The following METTL15 variants were observed in gnomAD, a reference collection of about 807,000 sequenced individuals.
METTL15 encodes methyltransferase 15, mitochondrial 12S rRNA N4-cytidine.
Under a neutral mutation model 38.3 loss-of-function variants are expected in METTL15, and 34 were observed. The ratio of observed to expected loss-of-function variants is 0.89; its 90% CI spans 0.68 to 1.18. The LOEUF (loss-of-function observed/expected upper bound fraction) is 1.18. Among genes scored for constraint, METTL15 ranks in the 50% most tolerant of loss-of-function variants. METTL15 has a pLI of 0.00. For synonymous variants in METTL15, 162 were observed against 170.9 expected (o/e 0.95, Z 0.41); for missense variants, 438 against 498.4 (o/e 0.88, Z 1.15).
chr11:28,256,933 T>G (rs1854996300), intron 4 of METTL15, among the ~76,000 whole-genome samples: 2 of 152,154 alleles, frequency 1.3e-5, no homozygotes, highest in South Asian at 4.1e-4. Context: ...ATTTTTCAGT[T>G]TCCTTAATTT....
intron 2 of METTL15, among the ~76,000 whole-genome samples, chr11:28,112,632 G>T (rs1851767486): frequency 6.6e-6 from 1 of 152,146 alleles, no homozygotes; most frequent in Admixed American, 6.5e-5. Context: ...GGGTGCCGGG[G>T]ACAGATAATT....
At chr11:28,507,947 C>A (rs551768370) in intron 6 of METTL15, among the ~76,000 whole-genome samples, 45 of 152,258 alleles carry the variant, frequency 3.0e-4, no homozygotes, top group African/African-American at 1.1e-3. Context: ...GGTCACCCAA[C>A]TTATCATCTC....
intron 3 of METTL15, among the ~76,000 whole-genome samples, chr11:28,194,166 T>TTCTTTCTTTCTTTCTTTCTTTCTTTC (rs1195553694): frequency 1.2e-5 from 1 of 86,410 alleles, no homozygotes; most frequent in Admixed American, 1.5e-4. Flanking sequence ...CTTTCTTTCT[T>TTCTTTCTTTCTTTCTTTCTTTCTTTC]TCTTTCTTTT....
chr11:28,461,380 C>T (rs1053203865), intron 6 of METTL15, among the ~76,000 whole-genome samples: 3 of 152,084 alleles, frequency 2.0e-5, no homozygotes, highest in Admixed American at 2.0e-4. Context: ...AGGAACCAAA[C>T]TGTATCCATC....
chr11:28,349,549 T>C (rs2133360119), intron 3 of METTL15, among the ~76,000 whole-genome samples: 1 of 152,370 alleles, frequency 6.6e-6, no homozygotes, highest in South Asian at 2.1e-4. Context: ...TAGAGCCTTC[T>C]ATAAGGAGTA....
At chr11:28,230,766 A>G (rs1368580497) in intron 4 of METTL15, among the ~76,000 whole-genome samples, 1 of 151,962 alleles carries the variant, frequency 6.6e-6, no homozygotes, top group Non-Finnish European at 1.5e-5. Flanking sequence ...TGAGACAAAC[A>G]GCTGCTGGAT....
At chr11:28,430,953 C>A (rs1211100436) in intron 6 of METTL15, among the ~76,000 whole-genome samples, 1 of 96,396 alleles carries the variant, frequency 1.0e-5, no homozygotes, top group Non-Finnish European at 2.3e-5. Context: ...AGGTGAGGGG[C>A]GCCTCTGCCC....
At chr11:28,527,656 T>C (rs1375822473), downstream of METTL15, among the ~76,000 whole-genome samples, 2 of 152,182 alleles carry the variant, frequency 1.3e-5, no homozygotes, top group African/African-American at 4.8e-5. Context: ...AAGCATATCA[T>C]AGAGGGATTT....
At chr11:28,391,082 A>G (rs1184076732) in intron 5 of METTL15, among the ~76,000 whole-genome samples, 1 of 152,076 alleles carries the variant, frequency 6.6e-6, no homozygotes, top group African/African-American at 2.4e-5. Context: ...TTGATTTTGT[A>G]TCCTGAGACT....
chr11:28,483,913 A>G (rs933174616), intron 6 of METTL15, among the ~76,000 whole-genome samples: 1 of 152,196 alleles, frequency 6.6e-6, no homozygotes, highest in Non-Finnish European at 1.5e-5. Flanking sequence ...AATTGGTATC[A>G]TTATTTTTAT....
chr11:28,327,136 A>C (rs557605321), intron 6 of METTL15, among the ~76,000 whole-genome samples: 1 of 152,106 alleles, frequency 6.6e-6, no homozygotes, highest in Non-Finnish European at 1.5e-5. Context: ...AAGCTCCACA[A>C]AACACATTGC....
rs1849862458 is a variant in METTL15, at chr11:28,333,121, T to C, written c.*2280T>C. On this transcript the variant is annotated 3_prime_UTR_variant, in exon 7 of 7. Transcript: ENST00000407364. Reference sequence around the variant, plus strand: ...CCCTGCTAACATGGTTTTGCACATCTAGCATCCAGAACAGTGAGAATGTAT... The same window carrying C: ...CCCTGCTAACATGGTTTTGCACATCCAGCATCCAGAACAGTGAGAATGTAT... 6.6e-6 allele frequency: 1 copy of C among 151,430 alleles called. No individual in the cohort carries two copies. Among genetic ancestry groups the C allele is most frequent in the Non-Finnish European group, 1.5e-5 (1 of 67,932 alleles). The allele number at this position is 151,430 out of a possible 1,614,324, so 9.4% of individuals were successfully genotyped here.
chr11:28,278,962 G>A (rs1855946127), intron 4 of METTL15, among the ~76,000 whole-genome samples: 1 of 152,028 alleles, frequency 6.6e-6, no homozygotes, highest in Non-Finnish European at 1.5e-5. Flanking sequence ...GAGTAGCTGG[G>A]ACCACAGGCA....
At chr11:28,518,651 G>A (rs1282094251) in intron 6 of METTL15, among the ~76,000 whole-genome samples, 2 of 152,096 alleles carry the variant, frequency 1.3e-5, no homozygotes, top group African/African-American at 2.4e-5. Context: ...GAAAATTCAG[G>A]GTAACACTAT....
At chr11:28,133,509 G>A (rs894589185) in intron 3 of METTL15, among the ~76,000 whole-genome samples, 2 of 152,178 alleles carry the variant, frequency 1.3e-5, no homozygotes, top group African/African-American at 4.8e-5. Context: ...GTAGTTCCCT[G>A]CTGCATTGAA....
chr11:28,370,335 T>C (rs1283457018), intron 5 of METTL15, among the ~76,000 whole-genome samples: 2 of 151,978 alleles, frequency 1.3e-5, no homozygotes, highest in Non-Finnish European at 2.9e-5. Context: ...GCTTGGCTTA[T>C]TTTATCTAGC....
At chr11:28,362,834 G>A (rs545436038) in intron 5 of METTL15, among the ~76,000 whole-genome samples, 1 of 152,140 alleles carries the variant, frequency 6.6e-6, no homozygotes, top group African/African-American at 2.4e-5. Context: ...AAACATGTGG[G>A]TGCATGTGTC....
chr11:28,190,845 G>C (rs982333390), intron 3 of METTL15, among the ~76,000 whole-genome samples: 3 of 151,214 alleles, frequency 2.0e-5, no homozygotes, highest in African/African-American at 7.3e-5. Flanking sequence ...TGTAATCATG[G>C]AATAAGGCAA....
At chr11:28,479,057 T>TTG (rs71050961) in intron 6 of METTL15, among the ~76,000 whole-genome samples, 617 of 146,824 alleles carry the variant, frequency 4.2e-3, no homozygotes, top group Middle Eastern at 0.01. Context: ...TTATTTCTCT[T>TTG]TGTGTGTGTG....
Sources: allele counts gnomAD v4.1 joint callset (sites outside exome capture counted in the v4.1 genomes callset), GRCh38; gene constraint gnomAD v4.1.1; transcripts MANE v1.5; gene names NCBI Gene and HGNC (gene_info 2026-07-23, HGNC 2026-07-21).